The following GALNT17 variants were observed in gnomAD, a reference collection of about 807,000 sequenced individuals.
The protein encoded by GALNT17 is UDP-GalNAc:polypeptide N-acetylgalactosaminyltransferase-like 3.
In GALNT17, 29 loss-of-function variants were observed where a neutral mutation model predicts 63.7. The observed-to-expected ratio is 0.46, with a 90% CI of 0.34 to 0.62. The LOEUF (loss-of-function observed/expected upper bound fraction) is 0.62, where lower values mean the gene tolerates loss of function less well. Ranked by LOEUF, GALNT17 falls within the 20% of genes least tolerant of loss-of-function variation. GALNT17 has a pLI of 0.01. For missense variants in GALNT17, 603 were observed against 799.6 expected (o/e 0.75, Z 2.97); for synonymous variants, 305 against 318.3 (o/e 0.96, Z 0.45).
At chr7:71,301,778 T>A (rs1212722401) in intron 1 of GALNT17, among the ~76,000 whole-genome samples, 1 of 152,072 alleles carries the variant, frequency 6.6e-6, no homozygotes, top group African/African-American at 2.4e-5. Context: ...GAAATAAAAA[T>A]GAATAATGTA....
chr7:71,398,277 T>C (rs1793176099), intron 3 of GALNT17, among the ~76,000 whole-genome samples: 1 of 152,110 alleles, frequency 6.6e-6, no homozygotes, highest in Non-Finnish European at 1.5e-5. Flanking sequence ...ATTGAACCTC[T>C]AATTTTCTTA....
intron 2 of GALNT17, among the ~76,000 whole-genome samples, chr7:71,362,071 C>G (rs1792412698): frequency 6.6e-6 from 1 of 152,162 alleles, no homozygotes; most frequent in African/African-American, 2.4e-5. Context: ...ATTCTCCTGC[C>G]TCAGCCTCCC....
intron 9 of GALNT17, among the ~76,000 whole-genome samples, chr7:71,701,458 G>T (rs1791629721): frequency 6.6e-6 from 1 of 151,640 alleles, no homozygotes; most frequent in African/African-American, 2.4e-5. Context: ...TTGTACTCCA[G>T]CCTGGATAAC....
intron 5 of GALNT17, among the ~76,000 whole-genome samples, chr7:71,521,434 C>A (rs1479304388): frequency 6.6e-6 from 1 of 152,142 alleles, no homozygotes; most frequent in East Asian, 1.9e-4. Flanking sequence ...TCCTGGACTA[C>A]AAAAGATTTG....
At chr7:71,435,645 A>G (rs574507602) in intron 5 of GALNT17, among the ~76,000 whole-genome samples, 1 of 152,160 alleles carries the variant, frequency 6.6e-6, no homozygotes, top group African/African-American at 2.4e-5. Context: ...GACGGCATCA[A>G]TTCCCTATGA....
intron 1 of GALNT17, among the ~76,000 whole-genome samples, chr7:71,238,821 G>A (rs1477453360): frequency 1.3e-5 from 2 of 152,168 alleles, no homozygotes; most frequent in African/African-American, 4.8e-5. Flanking sequence ...TAACTACAAT[G>A]CAGCAGAGAC....
intron 6 of GALNT17, among the ~76,000 whole-genome samples, chr7:71,605,276 G>C (rs911731866): frequency 2.0e-5 from 3 of 151,996 alleles, no homozygotes; most frequent in Non-Finnish European, 4.4e-5. Context: ...CTAGGTTTCC[G>C]ACAGAGGACT....
intron 2 of GALNT17, among the ~76,000 whole-genome samples, chr7:71,355,625 C>T (rs999970382): frequency 5.3e-4 from 81 of 151,660 alleles, no homozygotes; most frequent in African/African-American, 1.9e-3. Context: ...CTCTGCTTCC[C>T]AGGTTCAAGC....
chr7:71,208,487 G>C (rs990564295), intron 1 of GALNT17, among the ~76,000 whole-genome samples: 46 of 115,758 alleles, frequency 4.0e-4, no homozygotes, highest in African/African-American at 1.4e-3. Flanking sequence ...ATCTCTCTCT[G>C]TTGCCCAGGC....
chr7:71,224,342 C>G (rs1395438676), intron 1 of GALNT17, among the ~76,000 whole-genome samples: 1 of 152,328 alleles, frequency 6.6e-6, no homozygotes, highest in East Asian at 1.9e-4. Flanking sequence ...AGCCTGGCCT[C>G]AATACATTCT....
chr7:71,161,060 C>T (rs533532122), intron 1 of GALNT17, among the ~76,000 whole-genome samples: 1 of 151,856 alleles, frequency 6.6e-6, no homozygotes, highest in Non-Finnish European at 1.5e-5. Context: ...AGGTTGTTCT[C>T]GAACTCCTGG....
At chr7:71,644,302 C>G (rs1026797426) in intron 6 of GALNT17, among the ~76,000 whole-genome samples, 2 of 151,352 alleles carry the variant, frequency 1.3e-5, no homozygotes, top group Non-Finnish European at 2.9e-5. Context: ...TTTGGAAGGT[C>G]AAGGTGAGCG....
intron 6 of GALNT17, among the ~76,000 whole-genome samples, chr7:71,652,910 G>T (rs887563898): frequency 3.9e-5 from 6 of 152,202 alleles, no homozygotes; most frequent in Non-Finnish European, 7.3e-5. Flanking sequence ...AGAAAGTGAG[G>T]CAGTTATTGC....
chr7:71,306,586 A>G (rs1408034095), intron 1 of GALNT17, among the ~76,000 whole-genome samples: 1 of 152,222 alleles, frequency 6.6e-6, no homozygotes, highest in African/African-American at 2.4e-5. Context: ...TGAAGGCTGA[A>G]TAATAATCCA....
At position 71,314,763 on chromosome 7, in the gene GALNT17, G is replaced by A. The variant is rs60552211; in HGVS notation, c.239-20787G>A. ...CAAGAAATTAAAAACAAATATTAGC[G>A]TGGTGTGGTGGTACATGCCTGTAGT... On this transcript the variant is annotated intron_variant, in intron 1 of 10. Coordinates refer to ENST00000333538, the MANE Select transcript of GALNT17 (RefSeq NM_022479.3). Among the ~76,000 whole-genome samples the A allele has an allele frequency of 9.2e-3, 1,398 of 152,124 alleles. 14 individuals carry two copies. The highest frequency in any genetic ancestry group is 0.05 in the East Asian group (260 of 5,158).
chr7:71,477,272 A>G (rs1291062009), intron 5 of GALNT17, among the ~76,000 whole-genome samples: 1 of 152,156 alleles, frequency 6.6e-6, no homozygotes, highest in Non-Finnish European at 1.5e-5. Context: ...AGTGGAAGAG[A>G]ATAATGGGAT....
chr7:71,513,527 A>G (rs1357447954), intron 5 of GALNT17, among the ~76,000 whole-genome samples: 1 of 152,018 alleles, frequency 6.6e-6, no homozygotes, highest in South Asian at 2.1e-4. Flanking sequence ...CTGTGACTAC[A>G]GGCATGCTCC....
chr7:71,487,166 T>C (rs936480212), intron 5 of GALNT17, among the ~76,000 whole-genome samples: 17 of 152,212 alleles, frequency 1.1e-4, no homozygotes, highest in Admixed American at 6.5e-4. Context: ...CTGATCAGTC[T>C]GCTTCCCTCA....
intron 6 of GALNT17, among the ~76,000 whole-genome samples, chr7:71,664,404 G>A (rs142267712): frequency 2.7e-4 from 41 of 152,262 alleles, no homozygotes; most frequent in African/African-American, 9.1e-4. Flanking sequence ...GAGACCAGGA[G>A]TGTGAGACCG....
Sources: allele counts gnomAD v4.1 joint callset (sites outside exome capture counted in the v4.1 genomes callset), GRCh38; gene constraint gnomAD v4.1.1; transcripts MANE v1.5; gene names NCBI Gene and HGNC (gene_info 2026-07-23, HGNC 2026-07-21).